GLDN: variants seen among roughly 807,000 people sequenced by gnomAD.
GLDN encodes gliomedin, also known as collomin.
GLDN carries 47 observed loss-of-function variants against 56.5 expected under a neutral mutation model. The ratio of observed to expected loss-of-function variants is 0.83; its 90% CI spans 0.66 to 1.06. GLDN has a LOEUF of 1.06. Among genes scored for constraint, GLDN ranks in the 50% least tolerant of loss-of-function variants. The pLI, the probability that GLDN is intolerant of heterozygous loss-of-function variation, is 0.00. For synonymous variants in GLDN, 332 were observed against 278.8 expected (o/e 1.19, Z -1.90); for missense variants, 782 against 714.3 (o/e 1.09, Z -1.08).
chr15:51,345,763 A>T (rs540782585), intron 1 of GLDN, among the ~76,000 whole-genome samples: 1 of 152,366 alleles, frequency 6.6e-6, no homozygotes, highest in Admixed American at 6.5e-5. Context: ...GAGCAACAAG[A>T]CAAGGGAAAA....
chr15:51,412,173 A>G (rs1436300279), downstream of GLDN, among the ~76,000 whole-genome samples: 2 of 152,230 alleles, frequency 1.3e-5, no homozygotes, highest in Non-Finnish European at 2.9e-5. Flanking sequence ...TTGAAAAATT[A>G]AGAAGCTCAC....
At chr15:51,357,399 G>A (rs781281815) in intron 1 of GLDN, among the ~76,000 whole-genome samples, 8 of 152,168 alleles carry the variant, frequency 5.3e-5, no homozygotes, top group Admixed American at 1.3e-4. Context: ...TCTCCAAAGC[G>A]GTGAGTAACA....
In GLDN at chr15:51,401,639, C is replaced by T. The variant is rs1313822158; in HGVS notation, c.1074C>T (p.Gly358=). ...EFKDQPSLLN[G]SYTFIHLPYY... is the part of the protein sequence containing the mutation. ...AGGATCAGCCCTCACTTCTGAATGGCAGTTACACGTTCATCCACCTTCCAT... is the reference window on the plus strand; with the variant it reads ...AGGATCAGCCCTCACTTCTGAATGGTAGTTACACGTTCATCCACCTTCCAT... The change falls in exon 9 of 10, where the codon GGC becomes GGT. Residue 358 remains glycine, a synonymous_variant. Transcript: ENST00000335449. 1 of 1,614,076 alleles carries T rather than the reference C, an allele frequency of 6.2e-7. No individual in the cohort carries two copies. The highest frequency in any genetic ancestry group is 8.5e-7 in the Non-Finnish European group (1 of 1,179,908).
intron 1 of GLDN, among the ~76,000 whole-genome samples, chr15:51,375,811 C>G (rs997776499): frequency 6.6e-6 from 1 of 152,218 alleles, no homozygotes; most frequent in African/African-American, 2.4e-5. Context: ...ATCAGAGTTC[C>G]AAGAGGTTAA....
chr15:51,358,553 C>G (rs1041077046), intron 1 of GLDN, among the ~76,000 whole-genome samples: 2 of 152,114 alleles, frequency 1.3e-5, no homozygotes, highest in Non-Finnish European at 2.9e-5. Context: ...TGTCGGTAAG[C>G]ACAATTAAAT....
chr15:51,392,232 T>G (rs1030822329), intron 4 of GLDN, among the ~76,000 whole-genome samples: 1 of 152,208 alleles, frequency 6.6e-6, no homozygotes, highest in African/African-American at 2.4e-5. Context: ...CCATGACCTG[T>G]TAGGAACTGG....
intron 1 of GLDN, among the ~76,000 whole-genome samples, chr15:51,356,766 G>A (rs1481311214): frequency 6.6e-6 from 1 of 152,132 alleles, no homozygotes; most frequent in Non-Finnish European, 1.5e-5. Context: ...TAAGAACTCA[G>A]TTCAATAATC....
chr15:51,392,906 C>A lies in GLDN; in HGVS notation c.542-1929C>A, dbSNP rs2038052805. Among the ~76,000 whole-genome samples the A allele has an allele frequency of 2.0e-5, 3 of 152,074 alleles. No homozygotes were observed. The South Asian group carries it at 6.2e-4, about 31-fold the overall frequency. ...TCTTCATCCTTTCCAATCTGTATGC[C>A]TTTTAGTTATTTTTCCTTGCATTAT... On this transcript the variant is annotated intron_variant, in intron 4 of 9. Coordinates refer to ENST00000335449, the MANE Select transcript of GLDN (RefSeq NM_181789.4).
intron 5 of GLDN, among the ~76,000 whole-genome samples, chr15:51,396,868 A>G (rs888512971): frequency 1.3e-5 from 2 of 152,258 alleles, no homozygotes; most frequent in East Asian, 1.9e-4. Context: ...AGATGTTGCT[A>G]TGCAAAACAT....
rs372335745 is a variant in GLDN at position 51,341,871 on chromosome 15, A to G, written c.187A>G (p.Ser63Gly). The G allele has an allele frequency of 1.7e-4, 266 of 1,560,580 alleles. No individual in the cohort carries two copies. The highest frequency in any genetic ancestry group is 7.3e-5 in the Admixed American group (4 of 54,542). Residue 63 changes from serine to glycine, a missense_variant, in exon 1 of 10, where the codon AGT (serine) becomes GGT (glycine). Coordinates refer to ENST00000335449, the MANE Select transcript of GLDN (RefSeq NM_181789.4). ...AQRGREQRED[S>G]ALRSFLAELS... The stretch of plus-strand genomic sequence containing the variant: ...GCGGGGCCGGGAGCAGCGCGAGGAC[A>G]GTGCCCTGCGCTCCTTCCTGGCCGA...
chr15:51,382,563 T>TA (rs577601237), intron 2 of GLDN, among the ~76,000 whole-genome samples: 7,261 of 141,458 alleles, frequency 0.051, 256 homozygotes, highest in Middle Eastern at 0.13. Flanking sequence ...TAAAAATACA[T>TA]AAAAAAAAAA....
chr15:51,366,549 C>T (rs1273857912), intron 1 of GLDN, among the ~76,000 whole-genome samples: 1 of 152,222 alleles, frequency 6.6e-6, no homozygotes, highest in East Asian at 1.9e-4. Flanking sequence ...AAGATTTATT[C>T]AGATTACATT....
chr15:51,356,008 C>A (rs570266267), intron 1 of GLDN, among the ~76,000 whole-genome samples: 1 of 149,912 alleles, frequency 6.7e-6, no homozygotes, highest in South Asian at 2.1e-4. Flanking sequence ...AAGATCGAGA[C>A]CATCCTGGCT....
chr15:51,380,663 C>T (rs1008325643), intron 2 of GLDN, among the ~76,000 whole-genome samples: 4 of 152,160 alleles, frequency 2.6e-5, no homozygotes, highest in African/African-American at 7.2e-5. Context: ...CATCTAGCTG[C>T]GGGGAATTAG....
chr15:51,345,003 G>T (rs947005570), intron 1 of GLDN, among the ~76,000 whole-genome samples: 6 of 151,654 alleles, frequency 4.0e-5, no homozygotes, highest in Admixed American at 2.0e-4. Context: ...CCTGGATGGG[G>T]CTTGGAAACT....
intron 1 of GLDN, among the ~76,000 whole-genome samples, chr15:51,356,528 T>C (rs2037189847): frequency 6.6e-6 from 1 of 152,226 alleles, no homozygotes. Context: ...AGGAGAACTC[T>C]GCCTTCTCCA....
At chr15:51,355,799 A>G in intron 1 of GLDN, among the ~76,000 whole-genome samples, 1 of 150,358 alleles carries the variant, frequency 6.7e-6, no homozygotes, top group Non-Finnish European at 1.5e-5. Flanking sequence ...CTGGGATTAC[A>G]GGCGTGAGCC....
At chr15:51,403,096 G>T (rs867535719) in intron 9 of GLDN, among the ~76,000 whole-genome samples, 14 of 152,218 alleles carry the variant, frequency 9.2e-5, no homozygotes, top group African/African-American at 3.1e-4. Context: ...CTTCAAGGAG[G>T]TGTATCTTCT....
At chr15:51,385,363 T>C (rs2470182) in intron 4 of GLDN, 139,622 of 152,122 alleles carry the variant, frequency 0.92, 64,200 homozygotes, top group African/African-American at 0.95. Flanking sequence ...GCCTTGAGGA[T>C]GTGCTTCGCA....
Sources: gnomAD v4.1 joint callset for allele counts (sites outside exome capture counted in the v4.1 genomes callset) on GRCh38, gnomAD v4.1.1 for gene constraint, MANE v1.5 for transcripts, NCBI Gene and HGNC (gene_info 2026-07-23, HGNC 2026-07-21) for gene names.